ALKBH5: variants seen among roughly 807,000 people sequenced by gnomAD.
ALKBH5 encodes the protein RNA demethylase ALKBH5.
In ALKBH5, 2 loss-of-function variants were observed where a neutral mutation model predicts 32.1. That is an observed-to-expected ratio of 0.06 (90% CI 0.03 to 0.20). The LOEUF is 0.20. Ranked by LOEUF, ALKBH5 falls within the 10% of genes least tolerant of loss-of-function variation. The pLI, the probability that ALKBH5 is intolerant of heterozygous loss-of-function variation, is 1.00. For synonymous variants in ALKBH5, 300 were observed against 231.7 expected, an observed-to-expected ratio of 1.29 and a Z score of -2.68; for missense variants, 352 against 559.5, an observed-to-expected ratio of 0.63 and a Z score of 3.74.
rs142135062 is a variant in ALKBH5, at chr17:18,208,488, GTTTTTGTTTTTTGT to G, written c.*105_*118del. On this transcript the variant is annotated 3_prime_UTR_variant, in exon 4 of 4. Transcript: ENST00000399138. Reference sequence around the variant, plus strand: ...GGGTTTTGTTTTTGTTCATTGGGGGGTTTTTGTTTTTTGTTTTTTGTTTTTTTTGATTCTATATA... The same window carrying G: ...GGGTTTTGTTTTTGTTCATTGGGGGGTTTTTGTTTTTTTTGATTCTATATA... 3.9e-6 allele frequency: 5 copies of G among 1,276,130 alleles called. No homozygotes were observed. The South Asian group carries it at 5.1e-5, about 13-fold the overall frequency. The allele number at this position is 1,276,130 out of a possible 1,614,324, so 79.1% of individuals were successfully genotyped here.
chr17:18,209,301 TTTTTGAG>T lies in ALKBH5; in HGVS notation c.*910_*916del, dbSNP rs1214517604. Reference sequence around the variant, plus strand: ...GTGTGTGGTAGGGTTTTTGTTTTCTTTTTTGAGTTTTTTTTCCCCCTTTAGTCTCCTG... The same window carrying T: ...GTGTGTGGTAGGGTTTTTGTTTTCTTTTTTTTTTCCCCCTTTAGTCTCCTG... On this transcript the variant is annotated 3_prime_UTR_variant, in exon 4 of 4. Transcript: ENST00000399138. 1.3e-5 allele frequency: 2 copies of T among 152,688 alleles called. No individual in the cohort carries two copies. The highest frequency in any genetic ancestry group is 2.9e-5 in the Non-Finnish European group (2 of 68,100). The allele number at this position is 152,688 out of a possible 1,614,324, so 9.5% of individuals were successfully genotyped here.
chr17:18,200,621 A>G (rs981983528), intron 2 of ALKBH5, among the ~76,000 whole-genome samples: 1 of 152,148 alleles, frequency 6.6e-6, no homozygotes, highest in African/African-American at 2.4e-5. Flanking sequence ...ATGGGTTCCT[A>G]TTCTCTTTTG....
chr17:18,197,099 A>C (rs1430880106), intron 2 of ALKBH5, among the ~76,000 whole-genome samples: 2 of 152,216 alleles, frequency 1.3e-5, no homozygotes, highest in Non-Finnish European at 2.9e-5. Context: ...TTGCCAAGTC[A>C]AAACTTTTAG....
Position 18,183,990 on chromosome 17 carries a change from C to CCTTA in ALKBH5, c.-253_-252insTTAC. ...TCCGCGGCATGAGGCGCTGCCGGCG[C>CCTTA]CCCTGCCCCGCGGGACGTGGAGAAG... On this transcript the variant is annotated 5_prime_UTR_variant, in exon 1 of 4. It removes the in-frame stop codon of an upstream open reading frame in the 5' UTR. Coordinates refer to ENST00000399138, the MANE Select transcript of ALKBH5 (RefSeq NM_017758.4). 1.5e-6 allele frequency: 1 copy of CCTTA among 646,766 alleles called. No homozygotes were observed. 40.1% of individuals were successfully genotyped at this position (646,766 alleles called of 1,614,324 possible).
At chr17:18,189,524 C>T (rs1251949623) in intron 1 of ALKBH5, among the ~76,000 whole-genome samples, 4 of 152,192 alleles carry the variant, frequency 2.6e-5, no homozygotes, top group African/African-American at 9.7e-5. Flanking sequence ...TGTACGTGTG[C>T]CCTTTGGTGA....
intron 1 of ALKBH5, among the ~76,000 whole-genome samples, chr17:18,189,163 G>A (rs2925137): frequency 6.6e-6 from 1 of 152,000 alleles, no homozygotes; most frequent in South Asian, 2.1e-4. Flanking sequence ...GGATCACGAG[G>A]TCAGGACATC....
rs535382692 is a variant in ALKBH5, at chr17:18,209,200, G to C, written c.*804G>C. The C allele has an allele frequency of 6.5e-6, 1 of 152,876 alleles. No homozygotes were observed. The highest frequency in any genetic ancestry group is 6.5e-5 in the Admixed American group (1 of 15,304). The allele number at this position is 152,876 out of a possible 1,614,324, so 9.5% of individuals were successfully genotyped here. On this transcript the variant is annotated 3_prime_UTR_variant, in exon 4 of 4. Transcript: ENST00000399138. ...CAGTTAGACTTGCCACGTTGGGTCA[G>C]TTTTAGAAATTGTTTCTAGCTAGAG...
chr17:18,188,581 A>G (rs1427956083), intron 1 of ALKBH5, among the ~76,000 whole-genome samples: 1 of 152,180 alleles, frequency 6.6e-6, no homozygotes, highest in African/African-American at 2.4e-5. Context: ...TTCTGATTCC[A>G]CTGGAGGGGG....
At chr17:18,196,012 T>C (rs1195074986) in intron 2 of ALKBH5, among the ~76,000 whole-genome samples, 1 of 152,220 alleles carries the variant, frequency 6.6e-6, no homozygotes, top group Non-Finnish European at 1.5e-5. Flanking sequence ...AGAGTTCTCA[T>C]GTACTCTGCA....
rs947507836 is a variant in ALKBH5 at position 18,201,781 on chromosome 17, A to AG, written c.852-5033dup. ...TAGATAGATAGATAGATAGATAGAT[A>AG]GATAGGATAGATAAGATAGATAGAT... On this transcript the variant is annotated intron_variant, in intron 2 of 3. Coordinates refer to ENST00000399138, the MANE Select transcript of ALKBH5 (RefSeq NM_017758.4). Among the ~76,000 whole-genome samples, 57 of 106,068 alleles carry AG rather than the reference A, an allele frequency of 5.4e-4. 1 individual carries two copies. Among genetic ancestry groups the AG allele is most frequent in the Middle Eastern group, 5.0e-3 (1 of 200 alleles). The allele number at this position is 106,068 out of a possible 152,430, so 69.6% of individuals were successfully genotyped here.
chr17:18,209,366 C>G lies in ALKBH5; in HGVS notation c.*970C>G, dbSNP rs569097075. 1 of 152,504 alleles carries G rather than the reference C, an allele frequency of 6.6e-6. No individual in the cohort carries two copies. Among genetic ancestry groups the G allele is most frequent in the Admixed American group, 6.6e-5 (1 of 15,246 alleles). The allele number at this position is 152,504 out of a possible 1,614,324, so 9.4% of individuals were successfully genotyped here. On this transcript the variant is annotated 3_prime_UTR_variant, in exon 4 of 4. Coordinates refer to ENST00000399138, the MANE Select transcript of ALKBH5 (RefSeq NM_017758.4). ...CCTTTCCCTTCCCTTCTCCACTGGC[C>G]AGCTTGGGCCTCATCCTCATGTCAT...
chr17:18,186,591 C>T (rs1016939603), intron 1 of ALKBH5, among the ~76,000 whole-genome samples: 8 of 152,150 alleles, frequency 5.3e-5, no homozygotes, highest in Non-Finnish European at 1.0e-4. Context: ...CTCTCCTTAA[C>T]ACATGCCCAC....
chr17:18,198,090 A>G (rs1318922618), intron 2 of ALKBH5, among the ~76,000 whole-genome samples: 2 of 152,068 alleles, frequency 1.3e-5, no homozygotes, highest in Admixed American at 6.5e-5. Flanking sequence ...ATGATAACCA[A>G]CTCCTCAGAT....
At chr17:18,190,573 T>A (rs1464108884) in intron 1 of ALKBH5, among the ~76,000 whole-genome samples, 2 of 139,606 alleles carry the variant, frequency 1.4e-5, no homozygotes, top group African/African-American at 5.3e-5. Flanking sequence ...AAAAAAAAAA[T>A]TTCAGACACC....
In ALKBH5 at chr17:18,207,714, A is replaced by G. The variant is rs1474251183; in HGVS notation, c.1008-505A>G. ...GTTGGGGAAGGTTTCCAAGGAGGTA[A>G]TGTTTAAGTTGATTCCAGAAGGATA... On this transcript the variant is annotated intron_variant, in intron 3 of 3. Transcript: ENST00000399138. Among the ~76,000 whole-genome samples the G allele has an allele frequency of 3.3e-5, 5 of 152,134 alleles. No homozygotes were observed. In the East Asian group the frequency reaches 9.6e-4, roughly 29 times the overall value.
intron 1 of ALKBH5, among the ~76,000 whole-genome samples, chr17:18,187,834 G>A (rs141202913): frequency 3.3e-5 from 5 of 152,284 alleles, no homozygotes; most frequent in East Asian, 1.9e-4. Context: ...ACAGTGGTGC[G>A]GTGCAGATGG....
chr17:18,202,683 G>T (rs1282439351), intron 2 of ALKBH5, among the ~76,000 whole-genome samples: 1 of 151,988 alleles, frequency 6.6e-6, no homozygotes, highest in Non-Finnish European at 1.5e-5. Context: ...AGTGCGGTCT[G>T]GTTTACCATC....
chr17:18,202,037 G>A (rs988931189), intron 2 of ALKBH5, among the ~76,000 whole-genome samples: 3 of 152,088 alleles, frequency 2.0e-5, no homozygotes, highest in Middle Eastern at 3.2e-3. Flanking sequence ...GCCGGGTGCG[G>A]TGGTTCACGC....
chr17:18,208,148 G>A lies in ALKBH5; in HGVS notation c.1008-71G>A, dbSNP rs146899905. The A allele has an allele frequency of 1.6e-5, 24 of 1,493,692 alleles. No individual in the cohort carries two copies. In the African/African-American group the frequency reaches 1.7e-4, roughly 10 times the overall value. 92.5% of individuals were successfully genotyped at this position (1,493,692 alleles called of 1,614,324 possible). On this transcript the variant is annotated intron_variant, in intron 3 of 3. Coordinates refer to ENST00000399138, the MANE Select transcript of ALKBH5 (RefSeq NM_017758.4). ...AAGTGACCCATCCCAAGGATGAGAC[G>A]AGGTACAGCGGTAAAGCCAGGCGCC...
Sources: allele counts gnomAD v4.1 joint callset (sites outside exome capture counted in the v4.1 genomes callset), GRCh38; gene constraint gnomAD v4.1.1; transcripts MANE v1.5; gene names NCBI Gene and HGNC (gene_info 2026-07-23, HGNC 2026-07-21).